The following FRMD3 variants were observed in gnomAD, a reference collection of about 807,000 sequenced individuals.
FRMD3 encodes FERM domain containing 3.
A neutral mutation model predicts 70.2 loss-of-function variants in FRMD3; 33 were observed. The observed-to-expected ratio is 0.47, with a 90% confidence interval of 0.36 to 0.63. The LOEUF is 0.63. Among genes scored for constraint, FRMD3 ranks in the 20% least tolerant of loss-of-function variants. The probability of loss-of-function intolerance (pLI) is 0.00; values close to 1 mark genes in which losing one functional copy is unlikely to be tolerated. For synonymous variants in FRMD3, 279 were observed against 255.9 expected (o/e 1.09, Z -0.86); for missense variants, 632 against 711.4 (o/e 0.89, Z 1.27).
intron 2 of FRMD3, among the ~76,000 whole-genome samples, chr9:83,382,630 C>G (rs1205176085): frequency 2.6e-5 from 4 of 152,096 alleles, no homozygotes; most frequent in Admixed American, 6.6e-5. Context: ...CATTTCCTGA[C>G]TCAGTCCTTT....
rs1587507966 is a variant in FRMD3 at position 83,516,291 on chromosome 9, A to G, written c.147+21794T>C. Among the ~76,000 whole-genome samples the G allele has an allele frequency of 5.3e-5, 8 of 151,968 alleles. No individual in the cohort carries two copies. In the South Asian group the frequency reaches 1.5e-3, roughly 28 times the overall value. ...GGAGGAAGATTTACCAAGCAAATAG[A>G]AAGAAAAAAAAAAAAGCAGGGGTTG... On this transcript the variant is annotated intron_variant, in intron 1 of 13. Coordinates refer to ENST00000304195, the MANE Select transcript of FRMD3 (RefSeq NM_174938.6).
At chr9:83,581,734 GAATA>G in the FRMD3 span, among the ~76,000 whole-genome samples, 1 of 152,122 alleles carries the variant, frequency 6.6e-6, no homozygotes, top group East Asian at 1.9e-4. Flanking sequence ...GCGGATTAAT[GAATA>G]AATAAAATGT....
intron 1 of FRMD3, among the ~76,000 whole-genome samples, chr9:83,404,075 C>T (rs1434799380): frequency 6.6e-6 from 1 of 151,352 alleles, no homozygotes. Context: ...CACGCACACA[C>T]ACACACACAC....
intron 6 of FRMD3, among the ~76,000 whole-genome samples, chr9:83,323,780 A>G (rs980419756): frequency 6.6e-6 from 1 of 152,270 alleles, no homozygotes; most frequent in African/African-American, 2.4e-5. Flanking sequence ...TTCTATTTCT[A>G]TGGCTTTCAA....
intron 3 of FRMD3, among the ~76,000 whole-genome samples, chr9:83,357,276 T>TGGA (rs1824423092): frequency 1.7e-5 from 1 of 59,258 alleles, no homozygotes; most frequent in African/African-American, 7.7e-5. Flanking sequence ...TATATATATA[T>TGGA]ATATATATAT....
chr9:83,340,845 C>G (rs768046560), intron 5 of FRMD3, among the ~76,000 whole-genome samples: 1 of 152,188 alleles, frequency 6.6e-6, no homozygotes, highest in Non-Finnish European at 1.5e-5. Flanking sequence ...ATCCTCCTGC[C>G]TCAGCCTCCC....
chr9:83,260,785 C>G (rs753535897), intron 13 of FRMD3, among the ~76,000 whole-genome samples: 15 of 152,118 alleles, frequency 9.9e-5, no homozygotes, highest in Non-Finnish European at 1.6e-4. Flanking sequence ...CAATAAGCAG[C>G]ATGCAGACTT....
At chr9:83,266,208 T>A (rs1376025913) in intron 13 of FRMD3, among the ~76,000 whole-genome samples, 1 of 152,130 alleles carries the variant, frequency 6.6e-6, no homozygotes, top group African/African-American at 2.4e-5. Context: ...ACGGAAAGCA[T>A]CTATATATTT....
At chr9:83,498,968 T>C (rs1300341553) in intron 1 of FRMD3, among the ~76,000 whole-genome samples, 2 of 152,184 alleles carry the variant, frequency 1.3e-5, no homozygotes, top group African/African-American at 4.8e-5. Context: ...AGATGAGGCA[T>C]GTTTGCAAAA....
At chr9:83,430,809 C>G (rs917324567) in intron 1 of FRMD3, among the ~76,000 whole-genome samples, 1 of 152,238 alleles carries the variant, frequency 6.6e-6, no homozygotes, top group Non-Finnish European at 1.5e-5. Context: ...CCACTTGGCA[C>G]TGGCTCAGCA....
At chr9:83,312,273 G>A (rs1010209147) in intron 7 of FRMD3, among the ~76,000 whole-genome samples, 13 of 152,158 alleles carry the variant, frequency 8.5e-5, no homozygotes, top group African/African-American at 1.9e-4. Context: ...AGTGTCTTCC[G>A]GGGCTGCCTG....
rs1832056458 is a variant in FRMD3, at chr9:83,245,634, A to AAT, written c.*2282_*2283dup. On this transcript the variant is annotated 3_prime_UTR_variant, in exon 14 of 14. Coordinates refer to ENST00000304195, the MANE Select transcript of FRMD3 (RefSeq NM_174938.6). ...ATTTTTTAAGTATTTTACAATGGAA[A>AAT]ATATATTAGTTCCATAATTTAAAAA... The AAT allele has an allele frequency of 3.7e-6, 3 of 820,452 alleles. No homozygotes were observed. Among genetic ancestry groups the AAT allele is most frequent in the Non-Finnish European group, 4.4e-6 (3 of 679,594 alleles). The allele number at this position is 820,452 out of a possible 1,614,324, so 50.8% of individuals were successfully genotyped here.
intron 3 of FRMD3, among the ~76,000 whole-genome samples, chr9:83,354,133 C>T (rs1274555319): frequency 1.9e-4 from 29 of 152,092 alleles, no homozygotes; most frequent in Non-Finnish European, 7.4e-5. Flanking sequence ...ACCACGTTGG[C>T]CAGGCTGGTC....
chr9:83,385,729 C>T (rs927845485), intron 2 of FRMD3, among the ~76,000 whole-genome samples: 4 of 149,020 alleles, frequency 2.7e-5, no homozygotes, highest in African/African-American at 7.5e-5. Context: ...CAGAAAAATA[C>T]AGGAGCTGGT....
In FRMD3 at chr9:83,291,875, T is replaced by C. The variant is rs988663511; in HGVS notation, c.1071-1148A>G. 3.9e-5 allele frequency among the ~76,000 whole-genome samples: 6 copies of C among 152,262 alleles called. No individual in the cohort carries two copies. The East Asian group carries it at 9.7e-4, about 24-fold the overall frequency. On this transcript the variant is annotated intron_variant, in intron 12 of 13. Transcript: ENST00000304195. ...CTGCAGGACTACCTTCTAGCCTGAG[T>C]GTTTCTGTTGGGCAGCAGGAGTGGG...
At chr9:83,522,621 T>C (rs1043529284) in intron 1 of FRMD3, among the ~76,000 whole-genome samples, 17 of 150,142 alleles carry the variant, frequency 1.1e-4, no homozygotes, top group Non-Finnish European at 1.8e-4. Flanking sequence ...TGGAGTGCAG[T>C]GTAGCGATCT....
rs926878300 is a variant in FRMD3, at chr9:83,245,806, T to G, written c.*2112A>C. ...TTGCCTTATGTCAGAAAGGATGACTTAGAAGTCGTATGAGAAAAGAAGGAG... is the reference window on the plus strand; with the variant it reads ...TTGCCTTATGTCAGAAAGGATGACTGAGAAGTCGTATGAGAAAAGAAGGAG... On this transcript the variant is annotated 3_prime_UTR_variant, in exon 14 of 14. Transcript: ENST00000304195. 151 of 985,138 alleles carry G rather than the reference T, an allele frequency of 1.5e-4. No homozygotes were observed. Among genetic ancestry groups the G allele is most frequent in the Non-Finnish European group, 1.7e-4 (137 of 829,808 alleles). The allele number at this position is 985,138 out of a possible 1,614,324, so 61.0% of individuals were successfully genotyped here.
intron 1 of FRMD3, among the ~76,000 whole-genome samples, chr9:83,495,677 T>C (rs774186158): frequency 1.3e-5 from 2 of 152,232 alleles, no homozygotes; most frequent in Non-Finnish European, 2.9e-5. Flanking sequence ...ATGTACTTAA[T>C]GATAGGTATA....
At chr9:83,380,984 C>T (rs992862357) in intron 2 of FRMD3, among the ~76,000 whole-genome samples, 1 of 152,088 alleles carries the variant, frequency 6.6e-6, no homozygotes, top group Non-Finnish European at 1.5e-5. Flanking sequence ...TAGACAAAGC[C>T]CCAGAGTAAC....
Sources: allele counts gnomAD v4.1 joint callset (sites outside exome capture counted in the v4.1 genomes callset), GRCh38; gene constraint gnomAD v4.1.1; transcripts MANE v1.5; gene names NCBI Gene and HGNC (gene_info 2026-07-23, HGNC 2026-07-21).